RDH10: variants seen among roughly 807,000 people sequenced by gnomAD.
RDH10 encodes the protein retinol dehydrogenase 10.
A neutral mutation model predicts 30.2 loss-of-function variants in RDH10; 12 were observed. That is an observed-to-expected ratio of 0.40 (90% CI 0.25 to 0.64). RDH10 has a LOEUF of 0.64. RDH10 is among the 30% of genes least tolerant of loss of function. RDH10 has a pLI of 0.43. For missense variants in RDH10, 268 were observed against 445.2 expected (o/e 0.60, Z 3.58); for synonymous variants, 189 against 172.2 (o/e 1.10, Z -0.76).
chr8:73,319,255 G>A, intron 3 of RDH10, 61 bp downstream of exon 3: 1 of 1,171,636 alleles, frequency 8.5e-7, no homozygotes, highest in Non-Finnish European at 1.3e-6. Context: ...AAGTACACCA[G>A]AACCTCCAGG....
rs1586199036 is a variant in RDH10 at position 73,324,426 on chromosome 8, A to G, written c.*1390A>G. ...ATACCATCCACTTGTAAATGACTAT[A>G]AACTATTATGTGATTGCTTTTTTTT... On this transcript the variant is annotated 3_prime_UTR_variant, in exon 6 of 6. Transcript: ENST00000240285. 1 of 152,650 alleles carries G rather than the reference A, an allele frequency of 6.6e-6. No individual in the cohort carries two copies. Among genetic ancestry groups the G allele is most frequent in the Non-Finnish European group, 1.5e-5 (1 of 68,038 alleles). The allele number at this position is 152,650 out of a possible 1,614,324, so 9.5% of individuals were successfully genotyped here.
At position 73,295,511 on chromosome 8, in the gene RDH10, G is replaced by C; in HGVS notation, c.222G>C (p.Glu74Asp). 6.4e-7 allele frequency: 1 copy of C among 1,556,468 alleles called. No individual in the cohort carries two copies. The highest frequency in any genetic ancestry group is 8.7e-7 in the Non-Finnish European group (1 of 1,151,532). Residue 74 changes from glutamate (E) to aspartate (D), a missense_variant, in exon 1 of 6, where the codon GAG (glutamate) becomes GAC (aspartate). Coordinates refer to ENST00000240285, the MANE Select transcript of RDH10 (RefSeq NM_172037.5). ...GGGACATCAACACGCAAAGCAACGA[G>C]GAGACGGCTGGCATGGTGCGCCACA... ...VLWDINTQSNEETAGMVRHIY... is the reference protein window; with the variant it reads ...VLWDINTQSNDETAGMVRHIY...
chr8:73,322,880 A>G (rs934550860), intron 5 of RDH10, 33 bp from the exon 6 acceptor site: 3 of 1,613,866 alleles, frequency 1.9e-6, no homozygotes, highest in East Asian at 2.2e-5. Context: ...TGAAACTTCA[A>G]GTTTGCTAAC....
chr8:73,323,015 T>C lies in RDH10; in HGVS notation c.1005T>C (p.Asn335=). The C allele has an allele frequency of 1.9e-6, 3 of 1,613,078 alleles. No individual in the cohort carries two copies. The highest frequency in any genetic ancestry group is 2.5e-6 in the Non-Finnish European group (3 of 1,179,264). Residue 335 remains asparagine (N), a synonymous_variant, in exon 6 of 6, where the codon AAT becomes AAC. Transcript: ENST00000240285. The stretch of plus-strand genomic sequence containing the variant: ...AAAGAAAGCAAGCCACAAACAATAA[T>C]GAAGCAAAAAATGGAATCTAAGAAT... The part of the protein sequence containing the change: ...IAQRKQATNN[N]EAKNGI
At chr8:73,295,837 C>T (rs577644572) in intron 1 of RDH10, 443 of 1,263,204 alleles carry the variant, frequency 3.5e-4, no homozygotes, top group Non-Finnish European at 4.3e-4. Context: ...GGCGGGTTTC[C>T]TAAGCCCTCC....
In RDH10 at chr8:73,315,279, G is replaced by A. The variant is rs562293675; in HGVS notation, c.526-3817G>A. 520 of 124,782 alleles carry A rather than the reference G, an allele frequency of 4.2e-3. 4 individuals are homozygous for A. The highest frequency in any genetic ancestry group is 0.014 in the South Asian group (53 of 3,802). 7.7% of individuals were successfully genotyped at this position (124,782 alleles called of 1,614,324 possible). A position where few individuals can be genotyped will look rare whatever the true frequency, so the allele number is the denominator to read the frequency against. On this transcript the variant is annotated intron_variant, in intron 2 of 5. Transcript: ENST00000240285. The stretch of plus-strand genomic sequence containing the variant: ...CCGGCCTCCTCTCTCTCTCCCCCTC[G>A]CCCTTTTTTGCTTCCTTTTCCTTTA...
At chr8:73,302,084 A>G (rs914341115) in intron 2 of RDH10, among the ~76,000 whole-genome samples, 5 of 152,152 alleles carry the variant, frequency 3.3e-5, no homozygotes, top group African/African-American at 1.2e-4. Context: ...CCTCTTAACC[A>G]TGTACCATTT....
intron 2 of RDH10, among the ~76,000 whole-genome samples, chr8:73,305,701 G>A (rs1007302318): frequency 6.6e-6 from 1 of 152,200 alleles, no homozygotes; most frequent in African/African-American, 2.4e-5. Flanking sequence ...GTACTATGCT[G>A]AAGTTCCACT....
At position 73,300,758 on chromosome 8, in the gene RDH10, G is replaced by A. The variant is rs565818347; in HGVS notation, c.525+3329G>A. On this transcript the variant is annotated intron_variant, in intron 2 of 5. Coordinates refer to ENST00000240285, the MANE Select transcript of RDH10 (RefSeq NM_172037.5). Reference sequence around the variant, plus strand: ...GAAACACCCTCTTCCTCCATTCCACGTGTCTTTTAAGGTGTAGCTCAAGTT... The same window carrying A: ...GAAACACCCTCTTCCTCCATTCCACATGTCTTTTAAGGTGTAGCTCAAGTT... 2.8e-4 allele frequency among the ~76,000 whole-genome samples: 43 copies of A among 152,260 alleles called. 1 individual carries two copies. Among genetic ancestry groups the A allele is most frequent in the Admixed American group, 2.5e-3 (39 of 15,296 alleles).
chr8:73,297,161 A>G (rs777531234), intron 1 of RDH10, 33 bp from the exon 2 acceptor site: 5 of 1,283,150 alleles, frequency 3.9e-6, no homozygotes, highest in South Asian at 2.4e-5. Context: ...TCTCTTTTGC[A>G]TGTTTTCTCC....
intron 2 of RDH10, chr8:73,315,693 CTGGCTGGA>C: frequency 2.4e-6 from 1 of 416,004 alleles, no homozygotes; most frequent in Admixed American, 2.5e-5. Flanking sequence ...GAGCCAGCCG[CTGGCTGGA>C]GTTAGAGTGG....
chr8:73,309,975 G>A (rs750307567), intron 2 of RDH10, among the ~76,000 whole-genome samples: 2 of 152,148 alleles, frequency 1.3e-5, no homozygotes, highest in Non-Finnish European at 2.9e-5. Flanking sequence ...TAGAGCACTG[G>A]TTCCCAAACT....
At chr8:73,300,196 T>C (rs1428139474) in intron 2 of RDH10, 1 of 152,262 alleles carries the variant, frequency 6.6e-6, no homozygotes, top group East Asian at 1.9e-4. Context: ...AAATTCATTT[T>C]AGAGTTGGAA....
chr8:73,318,455 G>C (rs1045568654), intron 2 of RDH10, among the ~76,000 whole-genome samples: 1 of 152,226 alleles, frequency 6.6e-6, no homozygotes, highest in African/African-American at 2.4e-5. Context: ...GAATGTGACT[G>C]TTCAGAATGA....
chr8:73,316,055 C>T (rs1814657009), intron 2 of RDH10, among the ~76,000 whole-genome samples: 2 of 152,260 alleles, frequency 1.3e-5, no homozygotes, highest in African/African-American at 4.8e-5. Context: ...CTCGCTCTGT[C>T]GCCTAGGCTG....
At chr8:73,316,192 A>AT (rs1011688909) in intron 2 of RDH10, among the ~76,000 whole-genome samples, 4 of 151,808 alleles carry the variant, frequency 2.6e-5, no homozygotes, top group Non-Finnish European at 5.9e-5. Context: ...AATTTTTTGT[A>AT]TTTTTTGTAG....
chr8:73,307,452 A>G (rs753710203), intron 2 of RDH10, among the ~76,000 whole-genome samples: 12 of 152,262 alleles, frequency 7.9e-5, no homozygotes, highest in Non-Finnish European at 1.5e-4. Context: ...AAAATAGTCT[A>G]TAAATACATG....
chr8:73,295,995 G>A (rs1051728221), intron 1 of RDH10: 1 of 225,584 alleles, frequency 4.4e-6, no homozygotes, highest in African/African-American at 2.3e-5. Context: ...TCTTACTGTG[G>A]TCTGAACCCC....
At chr8:73,317,187 C>G (rs1022415580) in intron 2 of RDH10, among the ~76,000 whole-genome samples, 1 of 152,172 alleles carries the variant, frequency 6.6e-6, no homozygotes, top group Non-Finnish European at 1.5e-5. Flanking sequence ...GTAAATGGTA[C>G]TGACTATAGG....
Sources: gnomAD v4.1 joint callset for allele counts (sites outside exome capture counted in the v4.1 genomes callset) on GRCh38, gnomAD v4.1.1 for gene constraint, MANE v1.5 for transcripts, NCBI Gene and HGNC (gene_info 2026-07-23, HGNC 2026-07-21) for gene names.